The following PRKN variants were observed in gnomAD, a reference collection of about 807,000 sequenced individuals.
The protein encoded by PRKN is E3 ubiquitin-protein ligase parkin.
Under a neutral mutation model 59.5 loss-of-function variants are expected in PRKN, and 56 were observed. That is an observed-to-expected ratio of 0.94 (90% CI 0.76 to 1.18). The LOEUF (loss-of-function observed/expected upper bound fraction) is 1.18, where lower values mean the gene tolerates loss of function less well. Among genes scored for constraint, PRKN ranks in the 50% most tolerant of loss-of-function variants. The pLI is 0.00. For synonymous variants in PRKN, 250 were observed against 222.1 expected (o/e 1.13, Z -1.12); for missense variants, 657 against 596.4 (o/e 1.10, Z -1.06).
intron 6 of PRKN, among the ~76,000 whole-genome samples, chr6:161,802,896 A>G (rs1791150105): frequency 6.6e-6 from 1 of 152,090 alleles, no homozygotes; most frequent in Non-Finnish European, 1.5e-5. Flanking sequence ...GTGGCTGAAT[A>G]TGTCACCCCA....
intron 3 of PRKN, among the ~76,000 whole-genome samples, chr6:162,225,185 T>C (rs184117022): frequency 6.6e-6 from 1 of 152,176 alleles, no homozygotes; most frequent in East Asian, 1.9e-4. Flanking sequence ...TGACCGAACT[T>C]TATAACAACC....
intron 7 of PRKN, among the ~76,000 whole-genome samples, chr6:161,611,390 C>T (rs991382182): frequency 2.0e-5 from 3 of 152,206 alleles, no homozygotes; most frequent in Admixed American, 6.5e-5. Context: ...AACCCTGCAT[C>T]GAGCAAGTCT....
chr6:162,268,684 C>T (rs930820794), intron 2 of PRKN, among the ~76,000 whole-genome samples: 1 of 152,118 alleles, frequency 6.6e-6, no homozygotes, highest in Non-Finnish European at 1.5e-5. Context: ...ACGATGGGTT[C>T]AACAACACCC....
intron 7 of PRKN, among the ~76,000 whole-genome samples, chr6:161,641,210 A>G (rs1582932173): frequency 1.3e-5 from 2 of 152,350 alleles, no homozygotes; most frequent in South Asian, 4.1e-4. Flanking sequence ...GCAGGACACA[A>G]TAAATTAGCT....
chr6:162,470,433 G>A (rs1024086252), intron 1 of PRKN, among the ~76,000 whole-genome samples: 4 of 151,970 alleles, frequency 2.6e-5, no homozygotes, highest in Non-Finnish European at 5.9e-5. Flanking sequence ...GTGAAACCCC[G>A]CCTCCACTAC....
At chr6:162,217,525 C>T (rs1777736166) in intron 3 of PRKN, among the ~76,000 whole-genome samples, 1 of 152,128 alleles carries the variant, frequency 6.6e-6, no homozygotes, top group Non-Finnish European at 1.5e-5. Context: ...GCTGGGATTA[C>T]AGGCGTGTGC....
chr6:162,498,739 C>T (rs1793216295), intron 1 of PRKN, among the ~76,000 whole-genome samples: 1 of 151,820 alleles, frequency 6.6e-6, no homozygotes, highest in Non-Finnish European at 1.5e-5. Context: ...AATGTGTATC[C>T]ATGAAAGTAT....
Position 161,781,236 on chromosome 6 carries a change from T to C in PRKN, c.871+4536A>G, listed in dbSNP as rs549825721. On this transcript the variant is annotated intron_variant, in intron 7 of 11. Transcript: ENST00000366898. The stretch of plus-strand genomic sequence containing the variant: ...TAAGGAAAAGAGGTGCCAGGGAATA[T>C]AAGTTCTCAATAGCAACTGGTATTT... 6.6e-5 allele frequency among the ~76,000 whole-genome samples: 10 copies of C among 152,196 alleles called. No homozygotes were observed. The South Asian group carries it at 1.7e-3, about 25-fold the overall frequency.
At chr6:162,686,264 C>T (rs1044326581) in intron 1 of PRKN, among the ~76,000 whole-genome samples, 2 of 152,122 alleles carry the variant, frequency 1.3e-5, no homozygotes, top group Non-Finnish European at 2.9e-5. Context: ...TTCCAGCTGA[C>T]CCTATGGTGC....
Position 161,593,812 on chromosome 6 carries a change from C to G in PRKN, c.872-24396G>C, listed in dbSNP as rs1452570363. Among the ~76,000 whole-genome samples the G allele has an allele frequency of 6.6e-6, 1 of 152,060 alleles. No homozygotes were observed. The highest frequency in any genetic ancestry group is 6.5e-5 in the Admixed American group (1 of 15,268). The stretch of plus-strand genomic sequence containing the variant: ...AGTGTTTGGAGAGTAGAGAGTGACA[C>G]ACCAAGTCATGATGCTCAGGGGTCA... On this transcript the variant is annotated intron_variant, in intron 7 of 11. Transcript: ENST00000366898. The surrounding 1 kb of genome is among the most constrained non-coding windows in gnomAD (Gnocchi z 4.8).
intron 6 of PRKN, among the ~76,000 whole-genome samples, chr6:161,931,162 G>A (rs909823441): frequency 6.6e-5 from 10 of 152,160 alleles, no homozygotes; most frequent in Admixed American, 2.6e-4. Flanking sequence ...GCGGCTGGGC[G>A]TGGTGGCTCA....
intron 2 of PRKN, among the ~76,000 whole-genome samples, chr6:162,364,665 A>G (rs1785327338): frequency 6.6e-6 from 1 of 152,118 alleles, no homozygotes; most frequent in South Asian, 2.1e-4. Flanking sequence ...TTATCTTAAC[A>G]TGCGGCGAGC....
At chr6:161,571,185 C>T (rs370718761) in intron 7 of PRKN, among the ~76,000 whole-genome samples, 15 of 152,180 alleles carry the variant, frequency 9.9e-5, no homozygotes, top group Admixed American at 3.9e-4. Flanking sequence ...GCTCAAGTGA[C>T]GCTCCCGCTT....
chr6:162,074,689 T>C (rs1264457506), intron 4 of PRKN, among the ~76,000 whole-genome samples: 1 of 152,128 alleles, frequency 6.6e-6, no homozygotes, highest in Admixed American at 6.5e-5. Context: ...AAGTGACTCG[T>C]CCTCCACGAA....
intron 4 of PRKN, among the ~76,000 whole-genome samples, chr6:162,116,139 T>C (rs944706013): frequency 6.6e-6 from 1 of 152,200 alleles, no homozygotes; most frequent in African/African-American, 2.4e-5. Context: ...GGTATAGATA[T>C]ACAATCATTA....
intron 1 of PRKN, among the ~76,000 whole-genome samples, chr6:162,461,167 T>A (rs1415044332): frequency 6.8e-6 from 1 of 147,062 alleles, no homozygotes; most frequent in Non-Finnish European, 1.5e-5. Context: ...ATATTAGGGC[T>A]TGTGCCATGC....
Position 162,647,947 on chromosome 6 carries a change from TGCAAAAAAAAAAA to T in PRKN, c.7+79702_7+79714del, listed in dbSNP as rs1164551810. Among the ~76,000 whole-genome samples, 104 of 15,556 alleles carry T rather than the reference TGCAAAAAAAAAAA, an allele frequency of 6.7e-3. 2 individuals carry two copies. Among genetic ancestry groups the T allele is most frequent in the Middle Eastern group, 0.05 (1 of 20 alleles). 10.2% of individuals were successfully genotyped at this position (15,556 alleles called of 152,430 possible). ...TAGAACCATCTCTATATGTCCACAG[TGCAAAAAAAAAAA>T]AAAAAAAAAAAAAAAAAGTCTACGG... On this transcript the variant is annotated intron_variant, in intron 1 of 11. Transcript: ENST00000366898.
intron 4 of PRKN, among the ~76,000 whole-genome samples, chr6:162,060,125 T>C (rs56246327): frequency 6.6e-6 from 1 of 152,214 alleles, no homozygotes; most frequent in Admixed American, 6.5e-5. Context: ...AATTAAATTT[T>C]CCAAACTCAT....
At chr6:161,752,618 G>A in intron 7 of PRKN, among the ~76,000 whole-genome samples, 1 of 152,130 alleles carries the variant, frequency 6.6e-6, no homozygotes, top group East Asian at 1.9e-4. Context: ...GCTCAAGCCT[G>A]GAAGGTCAAG....
Sources: gnomAD v4.1 joint callset for allele counts (sites outside exome capture counted in the v4.1 genomes callset) on GRCh38, gnomAD v4.1.1 for gene constraint, Gnocchi (gnomAD v3.1) non-coding constraint, MANE v1.5 for transcripts, NCBI Gene and HGNC (gene_info 2026-07-23, HGNC 2026-07-21) for gene names.